Variants in PRPF8 observed in about 807,000 individuals in gnomAD.
The protein encoded by PRPF8 is pre-mRNA processing factor 8.
In PRPF8, 64 loss-of-function variants were observed where a neutral mutation model predicts 285.9. The ratio of observed to expected loss-of-function variants is 0.22; its 90% confidence interval spans 0.18 to 0.28. The LOEUF (loss-of-function observed/expected upper bound fraction) is 0.28, where lower values mean the gene tolerates loss of function less well. PRPF8 is among the 10% of genes least tolerant of loss of function. The pLI, the probability that PRPF8 is intolerant of heterozygous loss-of-function variation, is 1.00. For synonymous variants in PRPF8, 1,325 were observed against 1,118.2 expected, an observed-to-expected ratio of 1.18 and a Z score of -3.69; for missense variants, 1,426 against 3,026.7, an observed-to-expected ratio of 0.47 and a Z score of 12.41.
intron 3 of PRPF8, 144 bp from the exon 4 acceptor site, chr17:1,682,437 C>A: frequency 2.0e-6 from 2 of 990,374 alleles, no homozygotes; most frequent in Non-Finnish European, 3.1e-6. Flanking sequence ...CCTTCCTAAC[C>A]AGAAACCCTG....
intron 24 of PRPF8, among the ~76,000 whole-genome samples, chr17:1,672,311 G>C (rs1912369144): frequency 6.6e-6 from 1 of 152,120 alleles, no homozygotes; most frequent in African/African-American, 2.4e-5. Flanking sequence ...TAGAGTTTTT[G>C]CTCTGTCGCC....
intron 24 of PRPF8, among the ~76,000 whole-genome samples, chr17:1,664,678 T>G (rs1311982086): frequency 2.0e-5 from 3 of 152,058 alleles, no homozygotes; most frequent in Non-Finnish European, 2.9e-5. Flanking sequence ...TTGATACATT[T>G]TTTAAAACTA....
chr17:1,664,718 A>C (rs1911863427), intron 24 of PRPF8, among the ~76,000 whole-genome samples: 1 of 152,204 alleles, frequency 6.6e-6, no homozygotes, highest in African/African-American at 2.4e-5. Context: ...TCCTAATCAT[A>C]ATGGAATCAA....
rs1911587119 is a variant in PRPF8, at chr17:1,659,821, C to A, written c.4946+20G>T. On this transcript the variant is annotated intron_variant, in intron 31 of 42. Transcript: ENST00000304992. The surrounding 1 kb of genome is among the most constrained non-coding windows in gnomAD (Gnocchi z 5.1). The stretch of plus-strand genomic sequence containing the variant: ...ACGAAAGTGTCCTGGCTGCCTAGGG[C>A]TGGGTCCTGAGGCACTTACTTGGAG... The A allele has an allele frequency of 1.9e-6, 3 of 1,613,082 alleles. No homozygotes were observed. The South Asian group carries it at 3.3e-5, about 18-fold the overall frequency.
chr17:1,677,830 G>C, intron 13 of PRPF8, 136 bp from the exon 14 acceptor site: 8 of 1,123,468 alleles, frequency 7.1e-6, no homozygotes, highest in South Asian at 1.4e-5. Context: ...GGGGTAAAAA[G>C]AAAAAAAAAC....
intron 37 of PRPF8, chr17:1,654,266 T>C (rs1013601581): frequency 2.0e-5 from 12 of 612,712 alleles, no homozygotes; most frequent in Non-Finnish European, 3.2e-5. Context: ...CTACGCTTCC[T>C]TGACCAAAAC....
At chr17:1,671,003 T>C (rs1912283712) in intron 24 of PRPF8, among the ~76,000 whole-genome samples, 1 of 152,124 alleles carries the variant, frequency 6.6e-6, no homozygotes, top group African/African-American at 2.4e-5. Context: ...ATATGATTCT[T>C]CCTAAGGTGT....
chr17:1,658,159 CT>C lies in PRPF8; in HGVS notation c.5505+93del, dbSNP rs1164173293. 6.3e-7 allele frequency: 1 copy of C among 1,576,996 alleles called. No homozygotes were observed. Among genetic ancestry groups the C allele is most frequent in the Non-Finnish European group, 8.7e-7 (1 of 1,152,178 alleles). Reference sequence around the variant, plus strand: ...TAAGTTCAAATGAGATGTTCTCAGCCTTTCATCTAATAAACCAGTAAATATT... The same window carrying C: ...TAAGTTCAAATGAGATGTTCTCAGCCTTCATCTAATAAACCAGTAAATATT... On this transcript the variant is annotated intron_variant, in intron 34 of 42. Transcript: ENST00000304992. The surrounding 1 kb of genome is among the most constrained non-coding windows in gnomAD (Gnocchi z 4.1).
intron 13 of PRPF8, 36 bp from the exon 14 acceptor site, chr17:1,677,730 G>A (rs1436620086): frequency 1.2e-6 from 2 of 1,613,442 alleles, no homozygotes; most frequent in Non-Finnish European, 1.7e-6. Flanking sequence ...ATACAAGTTA[G>A]CAATGCATTT....
At chr17:1,655,259 TCTTGAGAAACTTCTAA>T (rs2151112331) in intron 37 of PRPF8, 75 bp downstream of exon 37, 1 of 1,483,358 alleles carries the variant, frequency 6.7e-7, no homozygotes, top group Admixed American at 1.9e-5. Context: ...CGCCTGGCCT[TCTTGAGAAACTTCTAA>T]GCCTAAGTGC....
At chr17:1,665,653 C>T (rs908364416) in intron 24 of PRPF8, among the ~76,000 whole-genome samples, 1 of 151,610 alleles carries the variant, frequency 6.6e-6, no homozygotes, top group African/African-American at 2.4e-5. Context: ...ACCAGCCTGG[C>T]CAAGATGGTG....
In PRPF8 at chr17:1,656,385, T is replaced by C; in HGVS notation, c.5793+7A>G. On this transcript the variant is annotated splice_region_variant and intron_variant, in intron 36 of 42. Coordinates refer to ENST00000304992, the MANE Select transcript of PRPF8 (RefSeq NM_006445.4). The stretch of plus-strand genomic sequence containing the variant: ...CTCCAGCGATCTTCTCTTCCCGAGG[T>C]TCATACCGTGTAAGATGAAATAGTC... 6.2e-7 allele frequency: 1 copy of C among 1,614,128 alleles called. No homozygotes were observed. The highest frequency in any genetic ancestry group is 1.6e-4 in the Middle Eastern group (1 of 6,062).
At chr17:1,666,369 CG>C (rs756714770) in intron 24 of PRPF8, among the ~76,000 whole-genome samples, 16 of 151,504 alleles carry the variant, frequency 1.1e-4, no homozygotes, top group Non-Finnish European at 1.5e-4. Flanking sequence ...GGCAACATGG[CG>C]AAACTGTCTG....
chr17:1,654,276 C>A (rs1436736273), intron 37 of PRPF8: 1 of 602,678 alleles, frequency 1.7e-6, no homozygotes, highest in Admixed American at 2.8e-5. Flanking sequence ...TTGACCAAAA[C>A]AATGCTCTGG....
Position 1,682,146 on chromosome 17 carries a change from G to A in PRPF8, c.417C>T (p.Val139=). ...TTTCTCACCCCCACTGGGAGATGTA[G>A]ACAGGTTCAATGACCCAGGGAATCT... The part of the protein sequence containing the change: ...VNEIPWVIEP[V]YISQWGSMWI... The change falls in exon 4 of 43, where the codon GTC becomes GTT. Residue 139 remains valine, a synonymous_variant. Transcript: ENST00000304992. The A allele has an allele frequency of 6.2e-7, 1 of 1,613,976 alleles. No individual in the cohort carries two copies. Among genetic ancestry groups the A allele is most frequent in the South Asian group, 1.1e-5 (1 of 91,068 alleles).
At chr17:1,657,333 A>C (rs1911438880) in intron 34 of PRPF8, among the ~76,000 whole-genome samples, 1 of 152,164 alleles carries the variant, frequency 6.6e-6, no homozygotes, top group Non-Finnish European at 1.5e-5. Context: ...AGATTTGGTC[A>C]AAGTGGATGT....
At chr17:1,680,690 G>T in intron 8 of PRPF8, 36 bp downstream of exon 8, 2 of 1,565,864 alleles carry the variant, frequency 1.3e-6, no homozygotes, top group East Asian at 2.2e-5. Flanking sequence ...ATTTCTCCTA[G>T]AAGAGCTGAG....
intron 24 of PRPF8, among the ~76,000 whole-genome samples, chr17:1,667,145 C>A (rs1327015224): frequency 6.6e-6 from 1 of 151,354 alleles, no homozygotes; most frequent in Non-Finnish European, 1.5e-5. Flanking sequence ...TGCACTCCAG[C>A]CTGGGCAATA....
intron 24 of PRPF8, among the ~76,000 whole-genome samples, chr17:1,667,822 G>A (rs577203539): frequency 3.3e-5 from 5 of 151,920 alleles, no homozygotes; most frequent in African/African-American, 7.3e-5. Flanking sequence ...GATTACAGGC[G>A]TGAGCCACCG....
Sources: allele counts gnomAD v4.1 joint callset (sites outside exome capture counted in the v4.1 genomes callset), GRCh38; gene constraint gnomAD v4.1.1; non-coding constraint Gnocchi (gnomAD v3.1); transcripts MANE v1.5; gene names NCBI Gene and HGNC (gene_info 2026-07-23, HGNC 2026-07-21).